The following STK10 variants were observed in gnomAD, a reference collection of about 807,000 sequenced individuals.
STK10 encodes serine/threonine-protein kinase 10.
STK10 carries 78 observed loss-of-function variants against 113.8 expected under a neutral mutation model. That is an observed-to-expected ratio of 0.69 (90% CI 0.57 to 0.83). STK10 has a LOEUF of 0.83. Among genes scored for constraint, STK10 ranks in the 40% least tolerant of loss-of-function variants. The pLI, the probability that STK10 is intolerant of heterozygous loss-of-function variation, is 0.00. For missense variants in STK10, 1,109 were observed against 1,280.1 expected, an observed-to-expected ratio of 0.87 and a Z score of 2.04; for synonymous variants, 465 against 494.7, an observed-to-expected ratio of 0.94 and a Z score of 0.80.
chr5:172,136,829 A>AT (rs56159871), intron 2 of STK10, among the ~76,000 whole-genome samples: 14,808 of 147,258 alleles, frequency 0.1, 2,459 homozygotes, highest in African/African-American at 0.34. Flanking sequence ...ATTATTATCT[A>AT]TTTTTTTTTT....
At chr5:172,114,474 T>TATATATATATATATA (rs55784262) in intron 4 of STK10, 30 of 25,732 alleles carry the variant, frequency 1.2e-3, no homozygotes, top group African/African-American at 2.7e-3. Flanking sequence ...TATATATATA[T>TATATATATATATATA]TTTTTTTTTT....
At chr5:172,179,900 G>A (rs1199338139) in intron 1 of STK10, among the ~76,000 whole-genome samples, 1 of 152,130 alleles carries the variant, frequency 6.6e-6, no homozygotes, top group Non-Finnish European at 1.5e-5. Flanking sequence ...CGGCCTGGGA[G>A]GGCTCCTACC....
chr5:172,055,865 G>C, intron 15 of STK10, 89 bp from the exon 16 acceptor site: 2 of 1,215,536 alleles, frequency 1.6e-6, no homozygotes, highest in South Asian at 2.8e-5. Context: ...ACTCCACTCA[G>C]GGGCCCAGGA....
chr5:172,182,258 G>A (rs1280303486), intron 1 of STK10, among the ~76,000 whole-genome samples: 7 of 136,306 alleles, frequency 5.1e-5, no homozygotes, highest in African/African-American at 1.9e-4. Flanking sequence ...AGCTGAGATC[G>A]CACCATTGCA....
At chr5:172,061,449 G>C (rs1273593203) in intron 13 of STK10, 181 bp from the exon 14 acceptor site, 1 of 730,556 alleles carries the variant, frequency 1.4e-6, no homozygotes, top group Non-Finnish European at 2.1e-6. Context: ...CAACATGTGG[G>C]CTTCATCTGG....
At chr5:172,116,042 T>C (rs1769375433) in intron 4 of STK10, among the ~76,000 whole-genome samples, 1 of 152,154 alleles carries the variant, frequency 6.6e-6, no homozygotes, top group Non-Finnish European at 1.5e-5. Context: ...GACTGTTTAT[T>C]GAGCACCAAC....
chr5:172,098,722 C>A (rs1768910680), intron 7 of STK10, among the ~76,000 whole-genome samples: 1 of 152,166 alleles, frequency 6.6e-6, no homozygotes, highest in African/African-American at 2.4e-5. Flanking sequence ...ACTCTAGAAC[C>A]AAGGCACCTG....
intron 1 of STK10, among the ~76,000 whole-genome samples, chr5:172,176,979 G>C (rs1200708294): frequency 6.6e-6 from 1 of 152,174 alleles, no homozygotes; most frequent in African/African-American, 2.4e-5. Context: ...TTTGAGACCA[G>C]ACTGGCCAAC....
intron 2 of STK10, among the ~76,000 whole-genome samples, chr5:172,155,752 T>A (rs552457407): frequency 6.6e-6 from 1 of 150,498 alleles, no homozygotes; most frequent in South Asian, 2.1e-4. Context: ...CCCAGCACTT[T>A]GGGAGGCCAA....
chr5:172,113,352 C>T (rs961558786), intron 4 of STK10, among the ~76,000 whole-genome samples: 8 of 152,098 alleles, frequency 5.3e-5, no homozygotes, highest in African/African-American at 9.7e-5. Context: ...CAGAAAGAGA[C>T]GCAAAGATCC....
At chr5:172,094,004 T>C (rs1768790117) in intron 8 of STK10, 44 bp from the exon 9 acceptor site, 1 of 1,298,584 alleles carries the variant, frequency 7.7e-7, no homozygotes, top group Non-Finnish European at 9.9e-7. Flanking sequence ...TGCTGCTGTA[T>C]GTTCAAGGCA....
intron 17 of STK10, 120 bp from the exon 18 acceptor site, chr5:172,053,162 G>A (rs749558573): frequency 2.1e-4 from 155 of 737,726 alleles, no homozygotes; most frequent in Non-Finnish European, 3.0e-4. Context: ...ATTTCTTCTT[G>A]ACTATAAATC....
intron 1 of STK10, among the ~76,000 whole-genome samples, chr5:172,184,475 C>T (rs1026413256): frequency 1.3e-5 from 2 of 151,932 alleles, no homozygotes; most frequent in African/African-American, 4.8e-5. Flanking sequence ...TGGCTTAGGT[C>T]AGAGGGGTAC....
At chr5:172,099,650 TCCCAAAGGTGAGAAC>T (rs1768938091) in intron 7 of STK10, among the ~76,000 whole-genome samples, 1 of 126,096 alleles carries the variant, frequency 7.9e-6, no homozygotes, top group African/African-American at 5.7e-5. Context: ...AGAACCAAGA[TCCCAAAGGTGAGAAC>T]CAAGATCCCA....
At chr5:172,099,658 GT>G (rs1768938480) in intron 7 of STK10, among the ~76,000 whole-genome samples, 1 of 152,100 alleles carries the variant, frequency 6.6e-6, no homozygotes, top group Non-Finnish European at 1.5e-5. Flanking sequence ...GATCCCAAAG[GT>G]GAGAACCAAG....
At chr5:172,057,565 C>G in intron 14 of STK10, 92 bp from the exon 15 acceptor site, 1 of 1,489,172 alleles carries the variant, frequency 6.7e-7, no homozygotes, top group South Asian at 1.3e-5. Flanking sequence ...CCTCCTCATG[C>G]TGGAGATGAT....
intron 1 of STK10, among the ~76,000 whole-genome samples, chr5:172,164,184 C>A (rs575130766): frequency 1.4e-5 from 2 of 146,962 alleles, no homozygotes; most frequent in South Asian, 4.3e-4. Flanking sequence ...TGCACTCCAG[C>A]CCGGGCAACA....
rs952210111 is a variant in STK10, at chr5:172,117,370, G to A, written c.520+111C>T. On this transcript the variant is annotated intron_variant, in intron 4 of 18. Coordinates refer to ENST00000176763, the MANE Select transcript of STK10 (RefSeq NM_005990.4). ...TGACATGCCAAGAGGGCGTAGGCGT[G>A]AGGACCCCACACCCCCATGAGGTCC... The A allele has an allele frequency of 5.3e-6, 7 of 1,318,398 alleles. No individual in the cohort carries two copies. In the African/African-American group the frequency reaches 8.8e-5, roughly 17 times the overall value. 81.7% of individuals were successfully genotyped at this position (1,318,398 alleles called of 1,614,324 possible).
Position 172,055,756 on chromosome 5 carries a change from G to T in STK10, c.2358C>A (p.Arg786=), listed in dbSNP as rs1159694767. Residue 786 remains arginine, a synonymous_variant, in exon 16 of 19, where the codon CGC becomes CGA. Coordinates refer to ENST00000176763, the MANE Select transcript of STK10 (RefSeq NM_005990.4). The part of the protein sequence containing the change: ...KHEKEREQMQ[R]YNQRMIEQLK... ...GCTGCTCTATCATGCGCTGGTTGTA[G>T]CGCTGCATCTGCTCCCGCTCCTGGA... The T allele has an allele frequency of 6.6e-7, 1 of 1,517,800 alleles. No homozygotes were observed. The highest frequency in any genetic ancestry group is 8.9e-7 in the Non-Finnish European group (1 of 1,124,958). The allele number at this position is 1,517,800 out of a possible 1,614,324, so 94.0% of individuals were successfully genotyped here.
Sources: allele counts gnomAD v4.1 joint callset (sites outside exome capture counted in the v4.1 genomes callset), GRCh38; gene constraint gnomAD v4.1.1; transcripts MANE v1.5; gene names NCBI Gene and HGNC (gene_info 2026-07-23, HGNC 2026-07-21).